CBARP: variants seen among roughly 807,000 people sequenced by gnomAD.
CBARP encodes the protein voltage-dependent calcium channel beta subunit-associated regulatory protein.
In CBARP, 24 loss-of-function variants were observed where a neutral mutation model predicts 36.3. The observed-to-expected ratio is 0.66, with a 90% confidence interval of 0.48 to 0.93. The LOEUF (loss-of-function observed/expected upper bound fraction) is 0.93. Among genes scored for constraint, CBARP ranks in the 40% least tolerant of loss-of-function variants. The pLI is 0.00. For synonymous variants in CBARP, 586 were observed against 453.2 expected (o/e 1.29, Z -3.72); for missense variants, 1,146 against 980.4 (o/e 1.17, Z -2.26).
chr19:1,236,855 G>GA (rs2080981415), intron 1 of CBARP, among the ~76,000 whole-genome samples: 1 of 146,414 alleles, frequency 6.8e-6, no homozygotes, highest in South Asian at 2.1e-4. Flanking sequence ...GCGGCCTGGG[G>GA]GGGGGCGGCG....
intron 6 of CBARP, 23 bp downstream of exon 6, chr19:1,234,548 G>A (rs776071664): frequency 4.9e-5 from 78 of 1,581,816 alleles, no homozygotes; most frequent in Non-Finnish European, 6.4e-5. Context: ...CCGAGGAACC[G>A]GGGCTGCTGC....
chr19:1,235,322 C>G (rs1000420642), intron 4 of CBARP, 177 bp from the exon 5 acceptor site: 2 of 1,036,546 alleles, frequency 1.9e-6, no homozygotes, highest in Non-Finnish European at 2.7e-6. Context: ...TCGCTCAGCA[C>G]GCGCCTGGGC....
At chr19:1,230,419 C>T in intron 9 of CBARP, 1 of 989,228 alleles carries the variant, frequency 1.0e-6, no homozygotes, top group Non-Finnish European at 1.2e-6. Context: ...GAAAAGTCAA[C>T]ATGCTTCTCT....
chr19:1,231,669 C>T (rs948911238), intron 8 of CBARP, among the ~76,000 whole-genome samples: 1 of 150,274 alleles, frequency 6.7e-6, no homozygotes, highest in Non-Finnish European at 1.5e-5. Context: ...ACACACAACG[C>T]GTGTGCCCTG....
At chr19:1,236,531 C>T (rs2080976130) in intron 1 of CBARP, among the ~76,000 whole-genome samples, 2 of 152,020 alleles carry the variant, frequency 1.3e-5, no homozygotes, top group South Asian at 2.1e-4. Context: ...CGCCCCATCA[C>T]GGGGGTGGGG....
Position 1,235,074 on chromosome 19 carries a change from T to TG in CBARP, c.381dup (p.Thr128HisfsTer9). On this transcript the variant is annotated frameshift_variant, in exon 5 of 10. Transcript: ENST00000650044. LOFTEE classifies it high-confidence loss of function. The stretch of plus-strand genomic sequence containing the variant: ...TCATTGAAGGAGACCCGGCGGCCCG[T>TG]GGAGCTGGTGGACAGGAAGCGTTCG... The TG allele has an allele frequency of 6.2e-7, 1 of 1,610,228 alleles. No homozygotes were observed. Among genetic ancestry groups the TG allele is most frequent in the Non-Finnish European group, 8.5e-7 (1 of 1,178,836 alleles).
chr19:1,231,209 CCCT>C lies in CBARP; in HGVS notation c.1043_1045del (p.Glu348del), dbSNP rs762645325. On this transcript the variant is annotated inframe_deletion, in exon 9 of 10. Coordinates refer to ENST00000650044, the MANE Select transcript of CBARP (RefSeq NM_001393918.1). ...GATGAAGTCCTCCTGGGGGGCATCC[CCCT>C]CCTCCTGCTCCGTGCTCTCACTGGC... 1.1e-4 allele frequency: 175 copies of C among 1,603,678 alleles called. No individual in the cohort carries two copies. The highest frequency in any genetic ancestry group is 6.6e-4 in the Middle Eastern group (4 of 6,044).
chr19:1,232,873 GA>G (rs1337504972), intron 8 of CBARP, among the ~76,000 whole-genome samples: 1 of 152,226 alleles, frequency 6.6e-6, no homozygotes, highest in African/African-American at 2.4e-5. Flanking sequence ...GGCCTGATGG[GA>G]AAAGTCTGCT....
chr19:1,229,357 G>C lies in CBARP; in HGVS notation c.1940C>G (p.Pro647Arg). 1 of 1,188,600 alleles carries C rather than the reference G, an allele frequency of 8.4e-7. No homozygotes were observed. The highest frequency in any genetic ancestry group is 1.1e-6 in the Non-Finnish European group (1 of 937,876). The allele number at this position is 1,188,600 out of a possible 1,614,324, so 73.6% of individuals were successfully genotyped here. ...DPAIPVIEEEPGGGGCPGSGL... is the reference protein window; with the variant it reads ...DPAIPVIEEERGGGGCPGSGL... ...CGAGCCGGGGCACCCCCCGCCGCCC[G>C]GCTCCTCCTCGATGACGGGGATGGC... The change falls in exon 10 of 10, where the codon CCG becomes CGG. Residue 647 changes from proline (P) to arginine (R), a missense_variant. Coordinates refer to ENST00000650044, the MANE Select transcript of CBARP (RefSeq NM_001393918.1). This position sits in a 1 kb window ranked among gnomAD's most constrained non-coding sequence, Gnocchi z 5.1.
intron 8 of CBARP, among the ~76,000 whole-genome samples, chr19:1,231,633 A>G (rs2080895976): frequency 8.7e-6 from 1 of 115,362 alleles, no homozygotes; most frequent in Admixed American, 9.7e-5. Context: ...ACCCTCCTAC[A>G]CACAGAACAC....
In CBARP at chr19:1,234,185, C is replaced by A. The variant is rs1264907464; in HGVS notation, c.768+6G>T. ...GACACCATGGGGGACACGCAGGGGC[C>A]CTCACCGAGGTGCCTTCCCCAGAGT... On this transcript the variant is annotated splice_donor_region_variant and intron_variant, in intron 7 of 9. Coordinates refer to ENST00000650044, the MANE Select transcript of CBARP (RefSeq NM_001393918.1). The A allele has an allele frequency of 4.0e-6, 6 of 1,513,300 alleles. No homozygotes were observed. Among genetic ancestry groups the A allele is most frequent in the Non-Finnish European group, 5.3e-6 (6 of 1,135,672 alleles). The allele number at this position is 1,513,300 out of a possible 1,614,324, so 93.7% of individuals were successfully genotyped here. A position where few individuals can be genotyped will look rare whatever the true frequency, so the allele number is the denominator to read the frequency against.
chr19:1,231,236 GC>G lies in CBARP; in HGVS notation c.1018del (p.Ala340ProfsTer47). On this transcript the variant is annotated frameshift_variant, in exon 9 of 10. Transcript: ENST00000650044. LOFTEE classifies it high-confidence loss of function. ...CTCCTCCTGCTCCGTGCTCTCACTG[GC>G]TGCCCGCTGCCGCTGGAAGTGGTGC... is the stretch of plus-strand genomic sequence containing the variant. ...KRHHFQRQRA[A>X]SESTEQEEGD... The G allele has an allele frequency of 1.2e-6, 2 of 1,602,130 alleles. No homozygotes were observed. The highest frequency in any genetic ancestry group is 1.7e-6 in the Non-Finnish European group (2 of 1,179,536).
Position 1,228,293 on chromosome 19 carries a change from G to C in CBARP, c.*886C>G, listed in dbSNP as rs1263880413. 3.6e-6 allele frequency: 1 copy of C among 279,538 alleles called. No homozygotes were observed. Among genetic ancestry groups the C allele is most frequent in the African/African-American group, 2.2e-5 (1 of 46,076 alleles). 17.3% of individuals were successfully genotyped at this position (279,538 alleles called of 1,614,324 possible). On this transcript the variant is annotated 3_prime_UTR_variant, in exon 10 of 10. Transcript: ENST00000650044. ...AACCCGGAGCAAGCAGGAGTGTGCG[G>C]TCAATATTTATATCATCCAGAAAAG...
intron 1 of CBARP, among the ~76,000 whole-genome samples, chr19:1,237,216 G>A (rs2080987463): frequency 6.6e-6 from 1 of 152,248 alleles, no homozygotes; most frequent in East Asian, 1.9e-4. Flanking sequence ...AGCCGGGCAG[G>A]GTCCCGGCGG....
chr19:1,231,070 ACC>A, intron 9 of CBARP, 29 bp downstream of exon 9: 2 of 1,580,928 alleles, frequency 1.3e-6, no homozygotes, highest in South Asian at 2.3e-5. Flanking sequence ...CCACAGGTCC[ACC>A]CCTAGCACCT....
At position 1,234,742 on chromosome 19, in the gene CBARP, C is replaced by A; in HGVS notation, c.456G>T (p.Arg152=). ...QSRKTQDKGR[R]YTLTEGDFHH... Reference sequence around the variant, plus strand: ...GGAAGTCCCCCTCCGTCAGTGTGTACCTGCGACAGCATCTGGCCATCAGAG... The same window carrying A: ...GGAAGTCCCCCTCCGTCAGTGTGTAACTGCGACAGCATCTGGCCATCAGAG... Residue 152 remains arginine (R), a splice_region_variant and synonymous_variant, in exon 6 of 10, where the codon CGG becomes CGT. Coordinates refer to ENST00000650044, the MANE Select transcript of CBARP (RefSeq NM_001393918.1). 6.2e-7 allele frequency: 1 copy of A among 1,612,068 alleles called. No individual in the cohort carries two copies. The highest frequency in any genetic ancestry group is 1.7e-4 in the Middle Eastern group (1 of 6,054).
rs755136999 is a variant in CBARP at position 1,235,997 on chromosome 19, G to A, written c.104C>T (p.Thr35Met). 3.1e-5 allele frequency: 48 copies of A among 1,559,438 alleles called. No individual in the cohort carries two copies. Among genetic ancestry groups the A allele is most frequent in the Non-Finnish European group, 4.2e-5 (48 of 1,150,264 alleles). Residue 35 changes from threonine (T) to methionine (M), a missense_variant and splice_region_variant, in exon 2 of 10, where the codon ACG (threonine) becomes ATG (methionine). By Grantham distance (81) the Thr-to-Met change is moderately conservative (BLOSUM62 -1). Transcript: ENST00000650044. ...CTCCCACCTGTCCCCTGCACCCACC[G>A]TGGGGCGTCCAGTGGCATTGTCCCA... ...TSWDNATGRP[T>M]AEPDPILDNY...
chr19:1,237,606 A>C (rs1324109708), intron 1 of CBARP, 150 bp downstream of exon 1: 1 of 151,732 alleles, frequency 6.6e-6, no homozygotes, highest in African/African-American at 2.4e-5. Flanking sequence ...CTCTGGAGGC[A>C]GCCGGGTGGG....
chr19:1,230,053 GGCT>G lies in CBARP; in HGVS notation c.1241_1243del (p.Gln414del). ...CCGCTCGGCGTCCGGCTCCAGTGGCGGCTGCTGCTGCTCAGGCCCCGCGCTGCC... is the reference window on the plus strand; with the variant it reads ...CCGCTCGGCGTCCGGCTCCAGTGGCGGCTGCTGCTCAGGCCCCGCGCTGCC... On this transcript the variant is annotated inframe_deletion, in exon 10 of 10. Transcript: ENST00000650044. 4.9e-6 allele frequency: 6 copies of G among 1,212,148 alleles called. No homozygotes were observed. The highest frequency in any genetic ancestry group is 3.2e-5 in the Admixed American group (1 of 31,576). 75.1% of individuals were successfully genotyped at this position (1,212,148 alleles called of 1,614,324 possible). A position where few individuals can be genotyped will look rare whatever the true frequency, so the allele number is the denominator to read the frequency against.
Sources: gnomAD v4.1 joint callset for allele counts (sites outside exome capture counted in the v4.1 genomes callset) on GRCh38, gnomAD v4.1.1 for gene constraint, Gnocchi (gnomAD v3.1) non-coding constraint, MANE v1.5 for transcripts, NCBI Gene and HGNC (gene_info 2026-07-23, HGNC 2026-07-21) for gene names.